The following RHAG variants were observed in gnomAD, a reference collection of about 807,000 sequenced individuals.
The protein encoded by RHAG is Rh associated glycoprotein, also known as ammonium transporter Rh type A.
In RHAG, 25 loss-of-function variants were observed where a neutral mutation model predicts 42.4. The observed-to-expected ratio is 0.59, with a 90% CI of 0.43 to 0.82. The LOEUF is 0.82. Among genes scored for constraint, RHAG ranks in the 40% least tolerant of loss-of-function variants. The pLI, the probability that RHAG is intolerant of heterozygous loss-of-function variation, is 0.00. For synonymous variants in RHAG, 182 were observed against 177.7 expected, an observed-to-expected ratio of 1.02 and a Z score of -0.19; for missense variants, 483 against 504.6, an observed-to-expected ratio of 0.96 and a Z score of 0.41.
chr6:49,617,926 C>A (rs1762681293), intron 3 of RHAG, 142 bp downstream of exon 3: 1 of 716,436 alleles, frequency 1.4e-6, no homozygotes, highest in South Asian at 1.6e-5. Flanking sequence ...AGTAGGCACT[C>A]AGTAAATGAT....
At chr6:49,608,501 G>A (rs909162642) in intron 7 of RHAG, among the ~76,000 whole-genome samples, 1 of 152,046 alleles carries the variant, frequency 6.6e-6, no homozygotes, top group East Asian at 1.9e-4. Flanking sequence ...ACTCAGCCTC[G>A]CAAGTAGCTG....
chr6:49,622,383 G>C (rs1026319812), intron 1 of RHAG, among the ~76,000 whole-genome samples: 1 of 151,962 alleles, frequency 6.6e-6, no homozygotes. Context: ...TGCCGGACTT[G>C]GTACTTTTAG....
intron 1 of RHAG, among the ~76,000 whole-genome samples, chr6:49,629,518 G>A (rs1266912145): frequency 2.6e-5 from 4 of 152,222 alleles, no homozygotes; most frequent in Non-Finnish European, 5.9e-5. Context: ...TGCAGGTGGA[G>A]CTGCCTGCCA....
In RHAG at chr6:49,615,631, T is replaced by C. The variant is rs775717867; in HGVS notation, c.633A>G (p.Ala211=). 8.1e-6 allele frequency: 13 copies of C among 1,613,962 alleles called. No homozygotes were observed. Among genetic ancestry groups the C allele is most frequent in the African/African-American group, 2.7e-5 (2 of 74,892 alleles). Residue 211 remains alanine, a synonymous_variant, in exon 4 of 10, where the codon GCA becomes GCG. Transcript: ENST00000371175. ...AAGTTTATCCACACTCACCAATCATTGCAAACAAGTCTGAGTAGTATGCGG... is the reference window on the plus strand; with the variant it reads ...AAGTTTATCCACACTCACCAATCATCGCAAACAAGTCTGAGTAGTATGCGG... The part of the protein sequence containing the change: ...EESAYYSDLF[A]MIGTLFLWMF...
Position 49,621,786 on chromosome 6 carries a change from C to A in RHAG, c.158-2424G>T, listed in dbSNP as rs775630582. 6.4e-4 allele frequency among the ~76,000 whole-genome samples: 98 copies of A among 152,040 alleles called. 1 individual carries two copies. The highest frequency in any genetic ancestry group is 4.1e-4 in the South Asian group (2 of 4,820). On this transcript the variant is annotated intron_variant, in intron 1 of 9. Transcript: ENST00000371175. ...GTAAACCTTTATGGGACTCAGTTATCTTTTAAGGAATACTTGGATTACATG... is the reference window on the plus strand; with the variant it reads ...GTAAACCTTTATGGGACTCAGTTATATTTTAAGGAATACTTGGATTACATG...
At chr6:49,621,417 T>A (rs566879523) in intron 1 of RHAG, among the ~76,000 whole-genome samples, 1 of 152,208 alleles carries the variant, frequency 6.6e-6, no homozygotes, top group East Asian at 1.9e-4. Flanking sequence ...AACTGGATAA[T>A]CCTAGCTTCA....
At chr6:49,628,185 C>A (rs1472035726) in intron 1 of RHAG, among the ~76,000 whole-genome samples, 3 of 151,606 alleles carry the variant, frequency 2.0e-5, no homozygotes, top group African/African-American at 7.3e-5. Context: ...GAGACAGGGT[C>A]TTGCTCTGTT....
Position 49,605,633 on chromosome 6 carries a change from A to G in RHAG, c.*180T>C. On this transcript the variant is annotated 3_prime_UTR_variant, in exon 10 of 10. Transcript: ENST00000371175. Reference sequence around the variant, plus strand: ...GCATCAGACATAAGGACATTTTTACACTGGCCATTTGGGACTTAGGATCTA... The same window carrying G: ...GCATCAGACATAAGGACATTTTTACGCTGGCCATTTGGGACTTAGGATCTA... 1.4e-6 allele frequency: 1 copy of G among 707,368 alleles called. No homozygotes were observed. The highest frequency in any genetic ancestry group is 2.6e-6 in the Non-Finnish European group (1 of 380,542). The allele number at this position is 707,368 out of a possible 1,614,324, so 43.8% of individuals were successfully genotyped here.
intron 1 of RHAG, among the ~76,000 whole-genome samples, chr6:49,631,108 G>A (rs1327768605): frequency 6.6e-5 from 10 of 152,170 alleles, no homozygotes; most frequent in African/African-American, 2.2e-4. Flanking sequence ...TAGATCACAT[G>A]AGGAAGCACA....
intron 3 of RHAG, among the ~76,000 whole-genome samples, chr6:49,616,305 G>T (rs1473954197): frequency 7.3e-6 from 1 of 136,282 alleles, no homozygotes; most frequent in Non-Finnish European, 1.5e-5. Context: ...AGCTATGATT[G>T]TCACATTGCA....
chr6:49,629,234 TAC>T (rs1433950532), intron 1 of RHAG, among the ~76,000 whole-genome samples: 2 of 151,980 alleles, frequency 1.3e-5, no homozygotes, highest in East Asian at 3.9e-4. Flanking sequence ...TTGAGCTAGA[TAC>T]AGAGTGCCGA....
intron 1 of RHAG, among the ~76,000 whole-genome samples, chr6:49,624,425 G>T (rs763273351): frequency 6.6e-6 from 1 of 152,094 alleles, no homozygotes; most frequent in African/African-American, 2.4e-5. Context: ...GGTTGGTCTC[G>T]AACTCCTGAC....
chr6:49,607,361 T>A lies in RHAG; in HGVS notation c.1068-141A>T. 3 of 726,604 alleles carry A rather than the reference T, an allele frequency of 4.1e-6. No homozygotes were observed. The Admixed American group carries it at 6.1e-5, about 15-fold the overall frequency. 45.0% of individuals were successfully genotyped at this position (726,604 alleles called of 1,614,324 possible). ...GCAGCAAATTAAGCATTTGTTACAA[T>A]TTTTCTTTCATATTCTTATTTTCTT... On this transcript the variant is annotated intron_variant, in intron 7 of 9. Transcript: ENST00000371175.
intron 1 of RHAG, among the ~76,000 whole-genome samples, chr6:49,625,582 G>A (rs990213083): frequency 6.6e-6 from 1 of 152,118 alleles, no homozygotes; most frequent in Non-Finnish European, 1.5e-5. Context: ...GAACCTGACA[G>A]GATACAATTT....
At chr6:49,624,923 T>C (rs533685088) in intron 1 of RHAG, among the ~76,000 whole-genome samples, 32 of 152,346 alleles carry the variant, frequency 2.1e-4, no homozygotes, top group Non-Finnish European at 3.7e-4. Context: ...ACCCCCCATA[T>C]TATCAGCTGT....
At chr6:49,620,844 T>C (rs1479633925) in intron 1 of RHAG, among the ~76,000 whole-genome samples, 1 of 152,306 alleles carries the variant, frequency 6.6e-6, no homozygotes, top group Middle Eastern at 3.4e-3. Flanking sequence ...TAGTCTCTTT[T>C]AAATTAAACA....
At chr6:49,616,684 T>C (rs560552812) in intron 3 of RHAG, among the ~76,000 whole-genome samples, 1 of 152,308 alleles carries the variant, frequency 6.6e-6, no homozygotes, top group Non-Finnish European at 1.5e-5. Flanking sequence ...TTATGAAAGA[T>C]TTTCAAATTT....
At chr6:49,610,296 A>C (rs1762552768) in intron 7 of RHAG, among the ~76,000 whole-genome samples, 1 of 152,176 alleles carries the variant, frequency 6.6e-6, no homozygotes, top group East Asian at 1.9e-4. Context: ...TCTGGACTCT[A>C]TGATCTTCTC....
At chr6:49,631,749 G>T (rs6934867) in intron 1 of RHAG, among the ~76,000 whole-genome samples, 33,025 of 152,088 alleles carry the variant, frequency 0.22, 3,819 homozygotes, top group African/African-American at 0.29. Flanking sequence ...AGGCAAAACT[G>T]TCCAATTCAA....
Sources: gnomAD v4.1 joint callset for allele counts (sites outside exome capture counted in the v4.1 genomes callset) on GRCh38, gnomAD v4.1.1 for gene constraint, MANE v1.5 for transcripts, NCBI Gene and HGNC (gene_info 2026-07-23, HGNC 2026-07-21) for gene names.